Variants in BICC1 observed in about 807,000 individuals in gnomAD.
BICC1 encodes the protein protein bicaudal C homolog 1.
In BICC1, 43 loss-of-function variants were observed where a neutral mutation model predicts 111.0. The ratio of observed to expected loss-of-function variants is 0.39; its 90% confidence interval spans 0.30 to 0.50. The LOEUF (loss-of-function observed/expected upper bound fraction) is 0.50. Ranked by LOEUF, BICC1 falls within the 20% of genes least tolerant of loss-of-function variation. The pLI is 0.88. For synonymous variants in BICC1, 467 were observed against 434.4 expected (o/e 1.07, Z -0.93); for missense variants, 1,091 against 1,203.2 (o/e 0.91, Z 1.38).
intron 18 of BICC1, 39 bp from the exon 19 acceptor site, chr10:58,817,523 G>A (rs1220094975): frequency 6.2e-7 from 1 of 1,609,866 alleles, no homozygotes; most frequent in East Asian, 2.2e-5. Flanking sequence ...TTCTCTCTGG[G>A]CATTTACACT....
chr10:58,761,268 C>T (rs1166354980), intron 3 of BICC1, among the ~76,000 whole-genome samples: 3 of 152,100 alleles, frequency 2.0e-5, no homozygotes, highest in Admixed American at 6.5e-5. Context: ...CAAAAGGAGC[C>T]GAGTGCGGCT....
chr10:58,579,796 G>C (rs1369428817), intron 1 of BICC1, among the ~76,000 whole-genome samples: 1 of 152,146 alleles, frequency 6.6e-6, no homozygotes, highest in Non-Finnish European at 1.5e-5. Context: ...AGTATGATTA[G>C]AAAGGTAAGT....
chr10:58,665,994 C>T (rs1175091200), intron 2 of BICC1, among the ~76,000 whole-genome samples: 2 of 152,172 alleles, frequency 1.3e-5, no homozygotes, highest in Non-Finnish European at 2.9e-5. Flanking sequence ...CTTATGTTCT[C>T]ATACTTCTGG....
chr10:58,663,769 T>C (rs1005638556), intron 2 of BICC1, among the ~76,000 whole-genome samples: 1 of 152,210 alleles, frequency 6.6e-6, no homozygotes, highest in Non-Finnish European at 1.5e-5. Context: ...TCCATGAAAC[T>C]GGTCCCTGAT....
At chr10:58,798,315 C>A in intron 10 of BICC1, 84 bp from the exon 11 acceptor site, 1 of 979,232 alleles carries the variant, frequency 1.0e-6, no homozygotes, top group Non-Finnish European at 1.4e-6. Flanking sequence ...TATCATTGTG[C>A]ATTCCCAATG....
chr10:58,774,176 G>A (rs559246547), intron 3 of BICC1, among the ~76,000 whole-genome samples: 3 of 152,280 alleles, frequency 2.0e-5, no homozygotes, highest in African/African-American at 7.2e-5. Context: ...TCTGTATTCA[G>A]AGCCAAAGTA....
chr10:58,673,448 C>T (rs1011851969), intron 2 of BICC1, among the ~76,000 whole-genome samples: 1 of 152,090 alleles, frequency 6.6e-6, no homozygotes, highest in African/African-American at 2.4e-5. Context: ...TAGCCCTGTG[C>T]CTCCCCACCA....
At chr10:58,823,333 G>A (rs1024454482) in intron 20 of BICC1, 24 of 985,110 alleles carry the variant, frequency 2.4e-5, no homozygotes, top group Non-Finnish European at 2.9e-5. Context: ...CATCCCGTAG[G>A]CTTACTGAAA....
At chr10:58,564,622 T>A (rs1843702175) in intron 1 of BICC1, among the ~76,000 whole-genome samples, 1 of 152,198 alleles carries the variant, frequency 6.6e-6, no homozygotes, top group Non-Finnish European at 1.5e-5. Flanking sequence ...TGTTCATTGT[T>A]ATGGAGGTCA....
intron 1 of BICC1, among the ~76,000 whole-genome samples, chr10:58,554,175 A>G (rs1272393330): frequency 6.6e-6 from 1 of 152,170 alleles, no homozygotes; most frequent in Admixed American, 6.5e-5. Flanking sequence ...TGTTAATCCC[A>G]TATTAAATTC....
At chr10:58,822,489 T>G (rs1564633166) in intron 20 of BICC1, among the ~76,000 whole-genome samples, 1 of 152,130 alleles carries the variant, frequency 6.6e-6, no homozygotes, top group Non-Finnish European at 1.5e-5. Flanking sequence ...AATCATCTTC[T>G]TTGTCATTCT....
At chr10:58,665,591 G>A (rs1207804019) in intron 2 of BICC1, among the ~76,000 whole-genome samples, 1 of 152,174 alleles carries the variant, frequency 6.6e-6, no homozygotes, top group Non-Finnish European at 1.5e-5. Context: ...TAGGAATTCA[G>A]AGGAGAGAGG....
chr10:58,682,449 T>G (rs536427260), intron 2 of BICC1, among the ~76,000 whole-genome samples: 186 of 152,336 alleles, frequency 1.2e-3, no homozygotes, highest in Non-Finnish European at 2.0e-3. Flanking sequence ...CCACACTGTC[T>G]TCCACAGTGG....
chr10:58,636,765 T>A (rs1837965374), intron 2 of BICC1, among the ~76,000 whole-genome samples: 1 of 152,228 alleles, frequency 6.6e-6, no homozygotes, highest in Admixed American at 6.5e-5. Context: ...CTTGGGCAAG[T>A]CATTTGACAA....
chr10:58,741,749 TA>T (rs1841673736), intron 3 of BICC1, among the ~76,000 whole-genome samples: 2 of 152,300 alleles, frequency 1.3e-5, no homozygotes. Flanking sequence ...CCATGCCTTT[TA>T]TTTTTCATGA....
At chr10:58,576,960 C>CA (rs1223411414) in intron 1 of BICC1, among the ~76,000 whole-genome samples, 1 of 152,034 alleles carries the variant, frequency 6.6e-6, no homozygotes, top group Admixed American at 6.6e-5. Flanking sequence ...AGGGGAGGAA[C>CA]AGAGCAATAG....
intron 3 of BICC1, among the ~76,000 whole-genome samples, chr10:58,769,641 A>G (rs1239450580): frequency 2.0e-5 from 3 of 151,916 alleles, no homozygotes; most frequent in South Asian, 2.1e-4. Context: ...CTGAACTACT[A>G]TTGGCACAAC....
chr10:58,534,796 C>T (rs1363468143), intron 1 of BICC1, among the ~76,000 whole-genome samples: 1 of 150,952 alleles, frequency 6.6e-6, no homozygotes, highest in Non-Finnish European at 1.5e-5. Context: ...TATTAATTTA[C>T]TCAAGGAGAT....
chr10:58,601,173 T>TATATATATATAA lies in BICC1; in HGVS notation c.191-19682_191-19681insATATATATATAA, dbSNP rs752405472. 1.8e-3 allele frequency among the ~76,000 whole-genome samples: 233 copies of TATATATATATAA among 131,050 alleles called. 5 individuals are homozygous for TATATATATATAA. Among genetic ancestry groups the TATATATATATAA allele is most frequent in the African/African-American group, 5.5e-3 (197 of 35,752 alleles). The allele number at this position is 131,050 out of a possible 152,430, so 86.0% of individuals were successfully genotyped here. Reference sequence around the variant, plus strand: ...ATATATATATATATATATATATATCTCCCAATAAAATTTGGAAAATAAAAA... The same window carrying TATATATATATAA: ...ATATATATATATATATATATATATCTATATATATATAACCCAATAAAATTTGGAAAATAAAAA... On this transcript the variant is annotated intron_variant, in intron 1 of 20. Transcript: ENST00000373886.
Sources: gnomAD v4.1 joint callset for allele counts (sites outside exome capture counted in the v4.1 genomes callset) on GRCh38, gnomAD v4.1.1 for gene constraint, MANE v1.5 for transcripts, NCBI Gene and HGNC (gene_info 2026-07-23, HGNC 2026-07-21) for gene names.